Variants in OTUD7A observed in about 807,000 individuals in gnomAD.
The protein encoded by OTUD7A is OTU deubiquitinase 7A, also known as OTU domain-containing protein 7A.
Under a neutral mutation model 65.7 loss-of-function variants are expected in OTUD7A, and 12 were observed. The ratio of observed to expected loss-of-function variants is 0.18; its 90% CI spans 0.12 to 0.30. OTUD7A has a LOEUF of 0.30. Ranked by LOEUF, OTUD7A falls within the 10% of genes least tolerant of loss-of-function variation. OTUD7A has a pLI of 1.00. For synonymous variants in OTUD7A, 641 were observed against 586.3 expected (o/e 1.09, Z -1.35); for missense variants, 1,148 against 1,304.8 (o/e 0.88, Z 1.85).
chr15:31,521,776 A>G (rs34319310), intron 8 of OTUD7A, among the ~76,000 whole-genome samples: 17 of 152,208 alleles, frequency 1.1e-4, no homozygotes, highest in Non-Finnish European at 2.4e-4. Flanking sequence ...CAGAGAGGTT[A>G]GCATGTGAGA....
rs1037594621 is a variant in OTUD7A at position 31,617,763 on chromosome 15, TTTTTA to T, written c.151+37328_151+37332del. On this transcript the variant is annotated intron_variant, in intron 3 of 12. Coordinates refer to ENST00000307050, the MANE Select transcript of OTUD7A (RefSeq NM_001382637.1). ...CAGTTTGATTTGATTTCCTTTTTTATTTTTATTTTATTATTTTTTAATTTTTTTAT... is the reference window on the plus strand; with the variant it reads ...CAGTTTGATTTGATTTCCTTTTTTATTTTTATTATTTTTTAATTTTTTTAT... 2.0e-3 allele frequency among the ~76,000 whole-genome samples: 309 copies of T among 152,186 alleles called. 1 individual carries two copies. The highest frequency in any genetic ancestry group is 7.1e-3 in the African/African-American group (293 of 41,536).
chr15:31,709,188 G>C (rs1893375651), intron 1 of OTUD7A, among the ~76,000 whole-genome samples: 1 of 151,646 alleles, frequency 6.6e-6, no homozygotes, highest in Non-Finnish European at 1.5e-5. Flanking sequence ...GCTAGAGCAA[G>C]GATGCTATGG....
intron 1 of OTUD7A, among the ~76,000 whole-genome samples, chr15:31,848,416 T>C (rs1354762625): frequency 6.6e-6 from 1 of 152,110 alleles, no homozygotes; most frequent in East Asian, 1.9e-4. Context: ...TCCCCAGTTG[T>C]AGGTAATACT....
chr15:31,506,185 T>A (rs1033265444), intron 8 of OTUD7A, among the ~76,000 whole-genome samples: 11 of 152,190 alleles, frequency 7.2e-5, no homozygotes, highest in Admixed American at 5.9e-4. Context: ...GTATTAGGAA[T>A]AAAGGTACAA....
chr15:31,566,958 T>C (rs1376048380), intron 4 of OTUD7A, among the ~76,000 whole-genome samples: 1 of 152,182 alleles, frequency 6.6e-6, no homozygotes, highest in Non-Finnish European at 1.5e-5. Flanking sequence ...CTCTTTTCTT[T>C]ATAAATTACC....
At chr15:31,505,119 G>T (rs919530390) in intron 8 of OTUD7A, among the ~76,000 whole-genome samples, 1 of 152,094 alleles carries the variant, frequency 6.6e-6, no homozygotes, top group African/African-American at 2.4e-5. Flanking sequence ...AGGAGATAAG[G>T]TTATTTATAA....
At chr15:31,641,639 A>G (rs1268915349) in intron 3 of OTUD7A, among the ~76,000 whole-genome samples, 1 of 152,186 alleles carries the variant, frequency 6.6e-6, no homozygotes, top group Non-Finnish European at 1.5e-5. Context: ...TTTCAGTTGT[A>G]AATTTATTCA....
chr15:31,805,705 C>T (rs1361705819), intron 1 of OTUD7A, among the ~76,000 whole-genome samples: 1 of 152,200 alleles, frequency 6.6e-6, no homozygotes, highest in Non-Finnish European at 1.5e-5. Context: ...AGAAGGTGTG[C>T]TTCTCTGCAC....
intron 1 of OTUD7A, among the ~76,000 whole-genome samples, chr15:31,702,481 C>T (rs183208531): frequency 3.3e-5 from 5 of 151,170 alleles, no homozygotes; most frequent in African/African-American, 1.2e-4. Flanking sequence ...AACATGTGGA[C>T]ACTAACATTA....
At chr15:31,749,886 G>A (rs180955127) in intron 1 of OTUD7A, among the ~76,000 whole-genome samples, 42 of 152,028 alleles carry the variant, frequency 2.8e-4, no homozygotes, top group African/African-American at 8.9e-4. Context: ...CAAAATCAAC[G>A]TGCAAAAATC....
intron 8 of OTUD7A, among the ~76,000 whole-genome samples, chr15:31,525,011 G>A (rs759437360): frequency 3.3e-5 from 5 of 152,176 alleles, no homozygotes; most frequent in Admixed American, 6.5e-5. Flanking sequence ...CAGGAGATGT[G>A]TATGTGATGG....
At chr15:31,488,444 G>A (rs528082654) in intron 10 of OTUD7A, among the ~76,000 whole-genome samples, 1 of 152,258 alleles carries the variant, frequency 6.6e-6, no homozygotes, top group East Asian at 1.9e-4. Flanking sequence ...CTAGTGACAC[G>A]GTTGACTCCT....
chr15:31,704,898 G>A (rs1382849648), intron 1 of OTUD7A, among the ~76,000 whole-genome samples: 1 of 152,028 alleles, frequency 6.6e-6, no homozygotes, highest in Non-Finnish European at 1.5e-5. Flanking sequence ...AATTCTCAGG[G>A]TGTGATCAAA....
rs1595758728 is a variant in OTUD7A at position 31,772,230 on chromosome 15, C to G, written c.-100+98277G>C. On this transcript the variant is annotated intron_variant, in intron 1 of 12. Coordinates refer to ENST00000307050, the MANE Select transcript of OTUD7A (RefSeq NM_001382637.1). ...TCCCGCCACTGCACTCCAGCCTGGGCGACAGAGCGAGACTCCGTCTCAAAA... is the reference window on the plus strand; with the variant it reads ...TCCCGCCACTGCACTCCAGCCTGGGGGACAGAGCGAGACTCCGTCTCAAAA... Among the ~76,000 whole-genome samples, 5 of 134,160 alleles carry G rather than the reference C, an allele frequency of 3.7e-5. No homozygotes were observed. The South Asian group carries it at 1.2e-3, about 32-fold the overall frequency. The allele number at this position is 134,160 out of a possible 152,430, so 88.0% of individuals were successfully genotyped here.
At position 31,477,871 on chromosome 15, in the gene OTUD7A, A is replaced by T. The variant is rs1039369894; in HGVS notation, c.*5423T>A. ...AGATGGTGATAGGTGCACAAGAAGA[A>T]GATGCAGAGAGGTGGGTAGGGAGGG... is the stretch of plus-strand genomic sequence containing the variant. On this transcript the variant is annotated 3_prime_UTR_variant, in exon 13 of 13. Coordinates refer to ENST00000307050, the MANE Select transcript of OTUD7A (RefSeq NM_001382637.1). 4.4e-5 allele frequency: 6 copies of T among 137,380 alleles called. No individual in the cohort carries two copies. Among genetic ancestry groups the T allele is most frequent in the Admixed American group, 2.9e-4 (4 of 13,902 alleles). 8.5% of individuals were successfully genotyped at this position (137,380 alleles called of 1,614,324 possible).
intron 1 of OTUD7A, among the ~76,000 whole-genome samples, chr15:31,674,395 C>T (rs966730597): frequency 1.3e-5 from 2 of 152,148 alleles, no homozygotes; most frequent in Non-Finnish European, 2.9e-5. Flanking sequence ...GAATGACATG[C>T]TTTAGGAAAA....
At chr15:31,511,359 CACACATATATATGTATATCTATATGTA>C (rs1361221315) in intron 8 of OTUD7A, among the ~76,000 whole-genome samples, 3 of 4,576 alleles carry the variant, frequency 6.6e-4, no homozygotes, top group Non-Finnish European at 6.3e-4. Flanking sequence ...CTATATGTAA[CACACATATATATGTATATCTATATGTA>C]ACACATATAT....
At position 31,526,366 on chromosome 15, in the gene OTUD7A, A is replaced by G; in HGVS notation, c.876T>C (p.Asn292=). ...SSEPRTHFSK[N]GGTGGGVDNS... is the part of the protein sequence containing the mutation. Reference sequence around the variant, plus strand: ...GCACTTACCCCCCGCCCGTGCCGCCATTCTTGCTGAAGTGTGTGCGCGGCT... The same window carrying G: ...GCACTTACCCCCCGCCCGTGCCGCCGTTCTTGCTGAAGTGTGTGCGCGGCT... The change falls in exon 8 of 13, where the codon AAT becomes AAC. Residue 292 remains asparagine, a synonymous_variant. Transcript: ENST00000307050. 3 of 1,599,024 alleles carry G rather than the reference A, an allele frequency of 1.9e-6. No homozygotes were observed. Among genetic ancestry groups the G allele is most frequent in the Non-Finnish European group, 2.5e-6 (3 of 1,177,480 alleles).
At chr15:31,586,270 C>T (rs1235394877) in intron 3 of OTUD7A, among the ~76,000 whole-genome samples, 1 of 152,232 alleles carries the variant, frequency 6.6e-6, no homozygotes, top group African/African-American at 2.4e-5. Context: ...TAGTCAATTT[C>T]TTTAAATGAA....
Sources: allele counts gnomAD v4.1 joint callset (sites outside exome capture counted in the v4.1 genomes callset), GRCh38; gene constraint gnomAD v4.1.1; transcripts MANE v1.5; gene names NCBI Gene and HGNC (gene_info 2026-07-23, HGNC 2026-07-21).